The following MAGI3 variants were observed in gnomAD, a reference collection of about 807,000 sequenced individuals.
MAGI3 encodes the protein membrane associated guanylate kinase, WW and PDZ domain containing 3, also known as membrane-associated guanylate kinase, WW and PDZ domain-containing protein 3.
MAGI3 carries 43 observed loss-of-function variants against 121.8 expected under a neutral mutation model. That is an observed-to-expected ratio of 0.35 (90% confidence interval 0.28 to 0.46). The LOEUF (loss-of-function observed/expected upper bound fraction) is 0.46. MAGI3 is among the 20% of genes least tolerant of loss of function. The pLI, the probability that MAGI3 is intolerant of heterozygous loss-of-function variation, is 1.00. For missense variants in MAGI3, 1,547 were observed against 1,797.3 expected (o/e 0.86, Z 2.52); for synonymous variants, 553 against 639.3 (o/e 0.86, Z 2.04).
intron 9 of MAGI3, among the ~76,000 whole-genome samples, chr1:113,638,276 A>G (rs544660066): frequency 1.8e-3 from 279 of 152,328 alleles, no homozygotes; most frequent in Non-Finnish European, 3.4e-3. Context: ...CTGGTGAGGA[A>G]CTGCGTTCCT....
intron 9 of MAGI3, among the ~76,000 whole-genome samples, chr1:113,635,446 A>AT (rs1357542367): frequency 1.3e-5 from 2 of 152,102 alleles, no homozygotes; most frequent in Non-Finnish European, 2.9e-5. Context: ...GCGTTGTTGA[A>AT]TTTTGTCAAA....
chr1:113,659,282 C>T lies in MAGI3; in HGVS notation c.2815+17C>T, dbSNP rs202093932. ...CTGAAGAAGGTAAGGAGCCAGTAGA[C>T]GCGCCTGCCCCAAGCTGATCTGAGA... On this transcript the variant is annotated intron_variant, in intron 16 of 20. Coordinates refer to ENST00000307546, the MANE Select transcript of MAGI3 (RefSeq NM_001142782.2). 89 of 1,610,644 alleles carry T rather than the reference C, an allele frequency of 5.5e-5. No homozygotes were observed. Among genetic ancestry groups the T allele is most frequent in the Admixed American group, 4.6e-4 (27 of 59,124 alleles).
At chr1:113,596,844 G>A (rs1649040320) in intron 6 of MAGI3, among the ~76,000 whole-genome samples, 1 of 151,856 alleles carries the variant, frequency 6.6e-6, no homozygotes, top group African/African-American at 2.4e-5. Flanking sequence ...AGGATAGGGA[G>A]AAACAGTAAC....
intron 9 of MAGI3, among the ~76,000 whole-genome samples, chr1:113,629,985 C>G (rs932599063): frequency 5.3e-5 from 8 of 152,020 alleles, no homozygotes; most frequent in African/African-American, 1.9e-4. Flanking sequence ...CCCTGGAGCC[C>G]TATGATCAGC....
chr1:113,637,158 A>T (rs1652089828), intron 9 of MAGI3, among the ~76,000 whole-genome samples: 3 of 152,158 alleles, frequency 2.0e-5, no homozygotes, highest in Non-Finnish European at 2.9e-5. Context: ...AATACAGCAC[A>T]CTGATGGGTC....
chr1:113,421,531 T>C (rs546085954), intron 1 of MAGI3, among the ~76,000 whole-genome samples: 2 of 152,338 alleles, frequency 1.3e-5, no homozygotes, highest in South Asian at 4.1e-4. Context: ...TGAAGCTGCA[T>C]GCAAAATTTC....
chr1:113,399,982 A>G (rs1027506292), intron 1 of MAGI3, among the ~76,000 whole-genome samples: 2 of 152,158 alleles, frequency 1.3e-5, no homozygotes, highest in East Asian at 1.9e-4. Flanking sequence ...CTTTTTAACC[A>G]TGATTTCGTG....
Position 113,683,227 on chromosome 1 carries a change from G to A in MAGI3, c.3659G>A (p.Arg1220Lys), listed in dbSNP as rs762976451. 2 of 1,613,890 alleles carry A rather than the reference G, an allele frequency of 1.2e-6. No homozygotes were observed. Among genetic ancestry groups the A allele is most frequent in the South Asian group, 2.2e-5 (2 of 91,022 alleles). The change falls in exon 21 of 21, where the codon AGA becomes AAA. Residue 1220 changes from arginine to lysine, a missense_variant. By Grantham distance (26) the Arg-to-Lys change is conservative. Transcript: ENST00000307546. ...GAAAATGGTGTTACACGAAGAGGTAGATCGGTTAGTCCCAAAAAGCCAGCC... is the reference window on the plus strand; with the variant it reads ...GAAAATGGTGTTACACGAAGAGGTAAATCGGTTAGTCCCAAAAAGCCAGCC... ...KVENGVTRRG[R>K]SVSPKKPASQ... is the part of the protein sequence containing the mutation.
At chr1:113,654,103 T>C in intron 15 of MAGI3, 85 bp downstream of exon 15, 1 of 1,127,778 alleles carries the variant, frequency 8.9e-7, no homozygotes, top group South Asian at 1.7e-5. Flanking sequence ...AATTAGGAGC[T>C]ATGTATAAAA....
At chr1:113,470,136 T>A (rs1208332471) in intron 1 of MAGI3, among the ~76,000 whole-genome samples, 2 of 152,196 alleles carry the variant, frequency 1.3e-5, no homozygotes, top group Non-Finnish European at 2.9e-5. Flanking sequence ...TGAATTTATC[T>A]GTAGGCATTA....
chr1:113,651,172 G>C lies in MAGI3; in HGVS notation c.2406G>C (p.Val802=). 6.2e-7 allele frequency: 1 copy of C among 1,613,184 alleles called. No individual in the cohort carries two copies. The highest frequency in any genetic ancestry group is 2.2e-5 in the East Asian group (1 of 44,868). ...LMTTAARNGH[V]LLTVRRKIFY... ...CAACTGCTGCTCGAAATGGCCATGTGTTACTAACTGTCAGACGGAAGATCT... is the reference window on the plus strand; with the variant it reads ...CAACTGCTGCTCGAAATGGCCATGTCTTACTAACTGTCAGACGGAAGATCT... The change falls in exon 14 of 21, where the codon GTG becomes GTC. Residue 802 remains valine, a synonymous_variant. Coordinates refer to ENST00000307546, the MANE Select transcript of MAGI3 (RefSeq NM_001142782.2).
intron 1 of MAGI3, among the ~76,000 whole-genome samples, chr1:113,437,880 C>CTT (rs1557757197): frequency 0.016 from 278 of 16,956 alleles, 3 homozygotes; most frequent in Non-Finnish European, 0.019. Context: ...TTCTTCTTCT[C>CTT]CTTCTCCTTC....
intron 1 of MAGI3, among the ~76,000 whole-genome samples, chr1:113,492,997 G>A (rs755783352): frequency 1.1e-4 from 17 of 151,762 alleles, no homozygotes; most frequent in Non-Finnish European, 2.5e-4. Context: ...TGCTATTCCT[G>A]TTATACTACC....
intron 1 of MAGI3, among the ~76,000 whole-genome samples, chr1:113,457,194 A>C (rs1654802485): frequency 6.6e-6 from 1 of 152,120 alleles, no homozygotes; most frequent in Non-Finnish European, 1.5e-5. Flanking sequence ...TATTGTTCTG[A>C]GTCATATTTC....
chr1:113,679,264 C>T (rs527508209), intron 19 of MAGI3, among the ~76,000 whole-genome samples: 1 of 152,090 alleles, frequency 6.6e-6, no homozygotes, highest in African/African-American at 2.4e-5. Flanking sequence ...TTCCCTCCCC[C>T]CATCTTGTAT....
chr1:113,631,177 A>T (rs1356568960), intron 9 of MAGI3, among the ~76,000 whole-genome samples: 1 of 152,114 alleles, frequency 6.6e-6, no homozygotes, highest in Non-Finnish European at 1.5e-5. Context: ...TCTCACCACC[A>T]GTGCAGGGAG....
intron 1 of MAGI3, among the ~76,000 whole-genome samples, chr1:113,436,294 T>TTCTA (rs796838020): frequency 6.6e-6 from 1 of 151,926 alleles, no homozygotes; most frequent in Admixed American, 6.6e-5. Context: ...TGTAATTGCC[T>TTCTA]TCTCTCTCTC....
chr1:113,622,704 A>G, intron 8 of MAGI3, 102 bp from the exon 9 acceptor site: 1 of 939,408 alleles, frequency 1.1e-6, no homozygotes, highest in South Asian at 1.9e-5. Flanking sequence ...GAAAGAGATT[A>G]AGTTGAGAAT....
chr1:113,405,524 A>G (rs978326832), intron 1 of MAGI3, among the ~76,000 whole-genome samples: 1 of 147,978 alleles, frequency 6.8e-6, no homozygotes, highest in Non-Finnish European at 1.5e-5. Flanking sequence ...GTCTTGAGGA[A>G]TGCCACTTAT....
Sources: allele counts gnomAD v4.1 joint callset (sites outside exome capture counted in the v4.1 genomes callset), GRCh38; gene constraint gnomAD v4.1.1; transcripts MANE v1.5; gene names NCBI Gene and HGNC (gene_info 2026-07-23, HGNC 2026-07-21).